Variants in DST observed in about 807,000 individuals in gnomAD.
DST encodes the protein bullous pemphigoid antigen.
Under a neutral mutation model 875.2 loss-of-function variants are expected in DST, and 253 were observed. The observed-to-expected ratio is 0.29, with a 90% CI of 0.26 to 0.32. The LOEUF is 0.32. DST is among the 10% of genes least tolerant of loss of function. DST has a pLI of 1.00. For synonymous variants in DST, 3,124 were observed against 3,197.1 expected, an observed-to-expected ratio of 0.98 and a Z score of 0.77; for missense variants, 8,287 against 9,111.6, an observed-to-expected ratio of 0.91 and a Z score of 3.68.
chr6:56,837,164 A>C (rs548238508), intron 4 of DST, among the ~76,000 whole-genome samples: 1 of 152,312 alleles, frequency 6.6e-6, no homozygotes, highest in Non-Finnish European at 1.5e-5. Context: ...AAGGTCAAGC[A>C]AAATAGCTTT....
rs2098681738 is a variant in DST, at chr6:56,620,623, TG to T, written c.4929+3906del. 1 of 1,614,036 alleles carries T rather than the reference TG, an allele frequency of 6.2e-7. No individual in the cohort carries two copies. The highest frequency in any genetic ancestry group is 8.5e-7 in the Non-Finnish European group (1 of 1,180,034). ...TTCTTTCCAACTCACTTATCTTTCC[TG>T]TAAGTTTGCTATTCTCAAGCACTGT... On this transcript the variant is annotated intron_variant, in intron 36 of 103. Coordinates refer to ENST00000680361, the MANE Select transcript of DST (RefSeq NM_001374736.1).
At chr6:56,912,984 C>G (rs1799407104) in intron 2 of DST, among the ~76,000 whole-genome samples, 1 of 152,190 alleles carries the variant, frequency 6.6e-6, no homozygotes, top group Non-Finnish European at 1.5e-5. Context: ...TTATAGCTAC[C>G]TCCTACATAG....
chr6:56,519,433 C>T (rs1452361030), intron 69 of DST, among the ~76,000 whole-genome samples: 4 of 152,138 alleles, frequency 2.6e-5, no homozygotes, highest in South Asian at 2.1e-4. Flanking sequence ...TTAGAGAATG[C>T]CAAGTAGGGA....
chr6:56,892,847 T>C (rs1017888285), intron 3 of DST, among the ~76,000 whole-genome samples: 2 of 152,156 alleles, frequency 1.3e-5, no homozygotes, highest in African/African-American at 4.8e-5. Context: ...GGAGATATTC[T>C]AGAACCCTTG....
intron 4 of DST, among the ~76,000 whole-genome samples, chr6:56,742,800 G>C (rs180988116): frequency 1.3e-5 from 2 of 152,280 alleles, no homozygotes; most frequent in East Asian, 3.9e-4. Context: ...CTAGTAACAT[G>C]ATTTGGAAGG....
chr6:56,756,788 TCATAAAGATGACTA>T (rs1459809792), intron 4 of DST, among the ~76,000 whole-genome samples: 4 of 152,160 alleles, frequency 2.6e-5, no homozygotes, highest in Admixed American at 1.3e-4. Flanking sequence ...AAGGTGAAAC[TCATAAAGATGACTA>T]GATCAGCCAT....
intron 4 of DST, among the ~76,000 whole-genome samples, chr6:56,835,506 C>A (rs912419775): frequency 6.6e-6 from 1 of 152,178 alleles, no homozygotes; most frequent in African/African-American, 2.4e-5. Flanking sequence ...AAACCTAAAA[C>A]TGCTCTAAAA....
Position 56,670,676 on chromosome 6 carries a change from A to G in DST, c.1179T>C (p.Asp393=). The G allele has an allele frequency of 6.3e-7, 1 of 1,598,362 alleles. No individual in the cohort carries two copies. Among genetic ancestry groups the G allele is most frequent in the East Asian group, 2.3e-5 (1 of 44,230 alleles). ...RCENFTTCWR[D]GKLFNAIIHK... The stretch of plus-strand genomic sequence containing the variant: ...GAATGATGGCATTAAATAATTTTCC[A>G]TCTCTCCAGCAGGTAGTGAAATTTT... The change falls in exon 10 of 104, where the codon GAT becomes GAC. Residue 393 remains aspartate (D), a synonymous_variant. Coordinates refer to ENST00000680361, the MANE Select transcript of DST (RefSeq NM_001374736.1).
chr6:56,602,918 A>C lies in DST; in HGVS notation c.11271T>G (p.Asp3757Glu), dbSNP rs376276278. The change falls in exon 43 of 104, where the codon GAT becomes GAG. Residue 3757 changes from aspartate (D) to glutamate (E), a missense_variant. Coordinates refer to ENST00000680361, the MANE Select transcript of DST (RefSeq NM_001374736.1). Reference protein sequence around the residue: ...VKDIEIVNVQDSEYVKKRLEF... With the variant: ...VKDIEIVNVQESEYVKKRLEF... ...CCAAACGTTTCTTTACATACTCAGA[A>C]TCTTGAACATTCACAATCTCAATAT... 3.4e-5 allele frequency: 53 copies of C among 1,572,718 alleles called. No homozygotes were observed. The African/African-American group carries it at 3.7e-4, about 11-fold the overall frequency.
At position 56,603,559 on chromosome 6, in the gene DST, C is replaced by T. The variant is rs748630905; in HGVS notation, c.10941+5G>A. ...ATCCATAAAGAGGCAGTAGACAATT[C>T]TTACCTCCAACTGTCTAAGTTGATT... is the stretch of plus-strand genomic sequence containing the variant. On this transcript the variant is annotated splice_donor_5th_base_variant and intron_variant, in intron 41 of 103. Coordinates refer to ENST00000680361, the MANE Select transcript of DST (RefSeq NM_001374736.1). The T allele has an allele frequency of 6.2e-7, 1 of 1,603,388 alleles. No individual in the cohort carries two copies.
At chr6:56,773,270 G>T (rs2099671079) in intron 4 of DST, among the ~76,000 whole-genome samples, 1 of 152,072 alleles carries the variant, frequency 6.6e-6, no homozygotes, top group Admixed American at 6.6e-5. Context: ...AACAGATACA[G>T]TCATCTTTTA....
intron 4 of DST, among the ~76,000 whole-genome samples, chr6:56,791,374 TG>T (rs2099723033): frequency 6.6e-6 from 1 of 152,200 alleles, no homozygotes; most frequent in Non-Finnish European, 1.5e-5. Flanking sequence ...AGTAATGTTG[TG>T]AACCAGAGTT....
At chr6:56,807,527 T>A (rs1413972377) in intron 4 of DST, among the ~76,000 whole-genome samples, 1 of 152,196 alleles carries the variant, frequency 6.6e-6, no homozygotes, top group Non-Finnish European at 1.5e-5. Flanking sequence ...GGTGTGGTAA[T>A]GGCATAAAAT....
At chr6:56,671,083 T>C (rs973723349) in intron 9 of DST, among the ~76,000 whole-genome samples, 3 of 152,218 alleles carry the variant, frequency 2.0e-5, no homozygotes, top group African/African-American at 4.8e-5. Flanking sequence ...ATTTTACATA[T>C]AGGAAATAAA....
At chr6:56,570,045 C>A in intron 53 of DST, 33 bp from the exon 54 acceptor site, 1 of 1,449,006 alleles carries the variant, frequency 6.9e-7, no homozygotes. Flanking sequence ...GAATTTAAGT[C>A]ACAGAAAGAA....
chr6:56,465,392 C>T (rs2094531177), intron 99 of DST, among the ~76,000 whole-genome samples: 1 of 151,888 alleles, frequency 6.6e-6, no homozygotes, highest in Non-Finnish European at 1.5e-5. Flanking sequence ...GAAAAATGGG[C>T]CTACTGAGTA....
At chr6:56,459,621 G>A (rs1326948427) in intron 103 of DST, among the ~76,000 whole-genome samples, 1 of 152,156 alleles carries the variant, frequency 6.6e-6, no homozygotes, top group African/African-American at 2.4e-5. Context: ...TGCAAACATA[G>A]AACAAACAAG....
intron 24 of DST, among the ~76,000 whole-genome samples, chr6:56,635,355 GCA>G (rs541249771): frequency 6.6e-6 from 1 of 150,672 alleles, no homozygotes. Flanking sequence ...ACACACACGT[GCA>G]CACACACACA....
At chr6:56,874,353 T>C (rs997713823) in intron 3 of DST, among the ~76,000 whole-genome samples, 2 of 152,040 alleles carry the variant, frequency 1.3e-5, no homozygotes, top group African/African-American at 4.8e-5. Flanking sequence ...AAAAAATCAA[T>C]AGATAAAACT....
Sources: gnomAD v4.1 joint callset for allele counts (sites outside exome capture counted in the v4.1 genomes callset) on GRCh38, gnomAD v4.1.1 for gene constraint, MANE v1.5 for transcripts, NCBI Gene and HGNC (gene_info 2026-07-23, HGNC 2026-07-21) for gene names.